Variants in RNF213 observed in about 807,000 individuals in gnomAD.
RNF213 encodes E3 ubiquitin-protein ligase RNF213.
In RNF213, 341 loss-of-function variants were observed where a neutral mutation model predicts 514.4. That is an observed-to-expected ratio of 0.66 (90% CI 0.61 to 0.73). The LOEUF (loss-of-function observed/expected upper bound fraction) is 0.73. RNF213 is among the 30% of genes least tolerant of loss of function. RNF213 has a pLI of 0.00. For missense variants in RNF213, 5,767 were observed against 6,615.6 expected, an observed-to-expected ratio of 0.87 and a Z score of 4.45; for synonymous variants, 2,655 against 2,658.2, an observed-to-expected ratio of 1.00 and a Z score of 0.04.
intron 3 of RNF213, among the ~76,000 whole-genome samples, chr17:80,285,050 T>C (rs1042237155): frequency 9.2e-5 from 14 of 152,154 alleles, no homozygotes; most frequent in African/African-American, 2.9e-4. Context: ...TTCCCCAGGA[T>C]GGGCCATCCA....
In RNF213 at chr17:80,306,405, C is replaced by G; in HGVS notation, c.2364C>G (p.Ile788Met). The G allele has an allele frequency of 6.2e-7, 1 of 1,614,064 alleles. No individual in the cohort carries two copies. The highest frequency in any genetic ancestry group is 8.5e-7 in the Non-Finnish European group (1 of 1,179,988). ...IEHLGRFPAH[I>M]LDCLSGIYYR... ...ACCTGGGTCGTTTTCCTGCTCATAT[C>G]CTGGACTGTCTTTCAGGGATTTACT... The change falls in exon 12 of 68, where the codon ATC becomes ATG. Residue 788 changes from isoleucine to methionine, a missense_variant. Coordinates refer to ENST00000582970, the MANE Select transcript of RNF213 (RefSeq NM_001256071.3).
At chr17:80,286,618 G>A (rs1388224820) in intron 3 of RNF213, among the ~76,000 whole-genome samples, 2 of 152,162 alleles carry the variant, frequency 1.3e-5, no homozygotes, top group Non-Finnish European at 2.9e-5. Context: ...GCTGAGGAGA[G>A]GGTGGATTAG....
rs79300455 is a variant in RNF213 at position 80,380,502 on chromosome 17, G to A, written c.13641-329G>A. Among the ~76,000 whole-genome samples, 14 of 152,260 alleles carry A rather than the reference G, an allele frequency of 9.2e-5. No homozygotes were observed. In the East Asian group the frequency reaches 1.9e-3, roughly 21 times the overall value. ...CCGACTGTCCTCCCAAACTCTAGCTGTTCTTAGCCCAACCGCTCCTCTCCT... is the reference window on the plus strand; with the variant it reads ...CCGACTGTCCTCCCAAACTCTAGCTATTCTTAGCCCAACCGCTCCTCTCCT... On this transcript the variant is annotated intron_variant, in intron 55 of 67. Transcript: ENST00000582970.
At position 80,263,820 on chromosome 17, in the gene RNF213, C is replaced by T. The variant is rs1371640077; in HGVS notation, c.97+42C>T. ...CTGGTGGAGGCTGGGGCAGTGGGGA[C>T]CCCTGGAGATGTCTCACCTCCCTTC... is the stretch of plus-strand genomic sequence containing the variant. On this transcript the variant is annotated intron_variant, in intron 2 of 67. Coordinates refer to ENST00000582970, the MANE Select transcript of RNF213 (RefSeq NM_001256071.3). The surrounding 1 kb of genome is among the most constrained non-coding windows in gnomAD (Gnocchi z 4.9). 2 of 1,559,404 alleles carry T rather than the reference C, an allele frequency of 1.3e-6. No individual in the cohort carries two copies. The highest frequency in any genetic ancestry group is 1.7e-5 in the Admixed American group (1 of 59,856).
Position 80,288,514 on chromosome 17 carries a change from C to A in RNF213, c.811-119C>A. On this transcript the variant is annotated intron_variant, in intron 4 of 67. Transcript: ENST00000582970. The surrounding 1 kb of genome is among the most constrained non-coding windows in gnomAD (Gnocchi z 4.9). ...TGGGAGTCGGAGGGCTGCCCCTCCA[C>A]TGGGGATGCCAGCCCACCCTGTCCC... The A allele has an allele frequency of 6.2e-7, 1 of 1,601,984 alleles. No individual in the cohort carries two copies. Among genetic ancestry groups the A allele is most frequent in the South Asian group, 1.1e-5 (1 of 90,622 alleles).
chr17:80,306,594 T>G lies in RNF213; in HGVS notation c.2427+126T>G, dbSNP rs1235196053. Reference sequence around the variant, plus strand: ...TGGGCTGGGTGCGGTGGCTCACGCCTGAATCCCAGCACTTTGGGAGGCCGA... The same window carrying G: ...TGGGCTGGGTGCGGTGGCTCACGCCGGAATCCCAGCACTTTGGGAGGCCGA... On this transcript the variant is annotated intron_variant, in intron 12 of 67. Coordinates refer to ENST00000582970, the MANE Select transcript of RNF213 (RefSeq NM_001256071.3). The G allele has an allele frequency of 3.2e-6, 3 of 947,156 alleles. No homozygotes were observed. The African/African-American group carries it at 4.9e-5, about 15-fold the overall frequency. 58.7% of individuals were successfully genotyped at this position (947,156 alleles called of 1,614,324 possible).
Position 80,328,354 on chromosome 17 carries a change from G to A in RNF213, c.3394G>A (p.Glu1132Lys). ...GGAAAAAAGTCTTTCACCCCAGGAT[G>A]AACAATGTGCTGTGGAGGAAGCACT... ...LREKSLSPQDEQCAVEEALDW... is the reference protein window; with the variant it reads ...LREKSLSPQDKQCAVEEALDW... Residue 1132 changes from glutamate (E) to lysine (K), a missense_variant, in exon 20 of 68, where the codon GAA becomes AAA. Physicochemically the swap from Glu to Lys is moderately conservative, Grantham distance 56. Coordinates refer to ENST00000582970, the MANE Select transcript of RNF213 (RefSeq NM_001256071.3). 1 of 1,536,962 alleles carries A rather than the reference G, an allele frequency of 6.5e-7. No homozygotes were observed. The highest frequency in any genetic ancestry group is 8.7e-7 in the Non-Finnish European group (1 of 1,146,762).
chr17:80,331,971 C>A, intron 20 of RNF213, 35 bp from the exon 21 acceptor site: 1 of 1,520,022 alleles, frequency 6.6e-7, no homozygotes, highest in South Asian at 1.2e-5. Context: ...ATGATTAGAG[C>A]TTTGACTTCT....
chr17:80,305,505 C>G (rs1195741654), intron 11 of RNF213, among the ~76,000 whole-genome samples: 1 of 151,836 alleles, frequency 6.6e-6, no homozygotes, highest in South Asian at 2.1e-4. Context: ...TTTAATATTA[C>G]TGCTCCTTGT....
chr17:80,387,738 CT>C (rs1370243228), intron 63 of RNF213, among the ~76,000 whole-genome samples: 1 of 152,196 alleles, frequency 6.6e-6, no homozygotes, highest in Non-Finnish European at 1.5e-5. Context: ...GGCCCTGTAG[CT>C]CGGCCCAGCC....
In RNF213 at chr17:80,381,624, G is replaced by C. The variant is rs770425328; in HGVS notation, c.13875G>C (p.Glu4625Asp). 14 of 1,614,148 alleles carry C rather than the reference G, an allele frequency of 8.7e-6. No homozygotes were observed. The highest frequency in any genetic ancestry group is 5.3e-5 in the African/African-American group (4 of 74,948). Residue 4625 changes from glutamate (E) to aspartate (D), a missense_variant, in exon 57 of 68, where the codon GAG (glutamate) becomes GAC (aspartate). Transcript: ENST00000582970. ...FLQQHILKDL[E>D]QLAKMLGHSA... Reference sequence around the variant, plus strand: ...AGCAGCACATCCTGAAGGACCTGGAGCAGTTGGCCAAGATGCTGGGACACA... The same window carrying C: ...AGCAGCACATCCTGAAGGACCTGGACCAGTTGGCCAAGATGCTGGGACACA...
intron 46 of RNF213, chr17:80,371,663 T>C (rs2079522807): frequency 2.1e-6 from 1 of 468,968 alleles, no homozygotes; most frequent in Non-Finnish European, 3.8e-6. Context: ...AAACCAAAGT[T>C]TGAGGACAGC....
chr17:80,317,243 C>T lies in RNF213; in HGVS notation c.2867C>T (p.Ser956Leu), dbSNP rs773701444. The change falls in exon 16 of 68, where the codon TCG becomes TTG. Residue 956 changes from serine (S) to leucine (L), a missense_variant. By Grantham distance (145) the Ser-to-Leu change is moderately radical. Coordinates refer to ENST00000582970, the MANE Select transcript of RNF213 (RefSeq NM_001256071.3). This position sits in a 1 kb window ranked among gnomAD's most constrained non-coding sequence, Gnocchi z 4.1. ...QFPAEHGWKESLLGDMEWRLT... is the reference protein window; with the variant it reads ...QFPAEHGWKELLLGDMEWRLT... ...CCCGCGGAGCATGGCTGGAAGGAGT[C>T]GTTGCTGGGAGACATGGAATGGAGG... is the stretch of plus-strand genomic sequence containing the variant. 9 of 1,612,602 alleles carry T rather than the reference C, an allele frequency of 5.6e-6. No individual in the cohort carries two copies. Among genetic ancestry groups the T allele is most frequent in the African/African-American group, 5.3e-5 (4 of 74,858 alleles).
At chr17:80,354,865 T>G in intron 36 of RNF213, 1 of 457,814 alleles carries the variant, frequency 2.2e-6, no homozygotes. Context: ...TTACCGACAT[T>G]CATGTTGATA....
At chr17:80,301,857 A>G (rs2045190358) in intron 11 of RNF213, among the ~76,000 whole-genome samples, 1 of 152,358 alleles carries the variant, frequency 6.6e-6, no homozygotes, top group South Asian at 2.1e-4. Context: ...GTAACACTCA[A>G]TAGCCATAAT....
At chr17:80,338,703 C>T (rs1477573360) in intron 25 of RNF213, among the ~76,000 whole-genome samples, 1 of 151,330 alleles carries the variant, frequency 6.6e-6, no homozygotes, top group Non-Finnish European at 1.5e-5. Context: ...ATGGTTCACA[C>T]TTTGGGAGGC....
At chr17:80,364,130 A>G (rs1404634253) in intron 41 of RNF213, among the ~76,000 whole-genome samples, 1 of 152,186 alleles carries the variant, frequency 6.6e-6, no homozygotes, top group Non-Finnish European at 1.5e-5. Context: ...CCTCAGGGCC[A>G]GAGTCCACTT....
Position 80,348,027 on chromosome 17 carries a change from T to G in RNF213, c.9692T>G (p.Leu3231Arg). 3.1e-6 allele frequency: 5 copies of G among 1,614,246 alleles called. 1 individual carries two copies. The South Asian group carries it at 5.5e-5, about 18-fold the overall frequency. ...TCGGACGCCTGCGCGTCTGTGGTGC[T>G]GCAGGTCATAGAGAGGCAGGGTCCC... ...YHSDACASVV[L>R]QVIERQGPRA... The change falls in exon 29 of 68, where the codon CTG (leucine) becomes CGG (arginine). Residue 3231 changes from leucine (L) to arginine (R), a missense_variant. By Grantham distance (102) the Leu-to-Arg change is moderately radical (BLOSUM62 -2). Transcript: ENST00000582970.
intron 26 of RNF213, chr17:80,340,771 C>T: frequency 5.9e-6 from 1 of 170,302 alleles, no homozygotes; most frequent in Non-Finnish European, 1.3e-5. Flanking sequence ...CAGGTACCCA[C>T]CGCCATCCCT....
Sources: allele counts gnomAD v4.1 joint callset (sites outside exome capture counted in the v4.1 genomes callset), GRCh38; gene constraint gnomAD v4.1.1; non-coding constraint Gnocchi (gnomAD v3.1); transcripts MANE v1.5; gene names NCBI Gene and HGNC (gene_info 2026-07-23, HGNC 2026-07-21).